STIM1: variants seen among roughly 807,000 people sequenced by gnomAD.
The protein encoded by STIM1 is stromal interaction molecule 1.
In STIM1, 25 loss-of-function variants were observed where a neutral mutation model predicts 74.7. The ratio of observed to expected loss-of-function variants is 0.33; its 90% CI spans 0.24 to 0.47. STIM1 has a LOEUF of 0.47. Among genes scored for constraint, STIM1 ranks in the 20% least tolerant of loss-of-function variants. The pLI is 1.00. For synonymous variants in STIM1, 328 were observed against 348.8 expected (o/e 0.94, Z 0.66); for missense variants, 728 against 920.8 (o/e 0.79, Z 2.71).
At chr11:4,060,624 TTA>T (rs1185864105) in intron 5 of STIM1, among the ~76,000 whole-genome samples, 1 of 152,194 alleles carries the variant, frequency 6.6e-6, no homozygotes, top group Non-Finnish European at 1.5e-5. Context: ...GTTCTACTCT[TTA>T]TGTAAGGCGT....
intron 1 of STIM1, among the ~76,000 whole-genome samples, chr11:3,914,475 C>T (rs2092612359): frequency 6.6e-6 from 1 of 152,198 alleles, no homozygotes; most frequent in Admixed American, 6.5e-5. Context: ...CGGAGTCTCA[C>T]TCTGTCGCCA....
intron 6 of STIM1, 26 bp downstream of exon 6, chr11:4,070,229 T>G: frequency 6.2e-7 from 1 of 1,612,970 alleles, no homozygotes; most frequent in Non-Finnish European, 8.5e-7. Context: ...TCAGGAAAGG[T>G]GAGGCCCTGC....
At chr11:3,869,676 A>C (rs1036160713) in intron 1 of STIM1, among the ~76,000 whole-genome samples, 1 of 152,244 alleles carries the variant, frequency 6.6e-6, no homozygotes, top group East Asian at 1.9e-4. Flanking sequence ...TTGTCAGGCT[A>C]CTTGATTCCA....
chr11:4,040,991 G>C (rs999383460), intron 3 of STIM1, among the ~76,000 whole-genome samples: 1 of 152,226 alleles, frequency 6.6e-6, no homozygotes, highest in African/African-American at 2.4e-5. Flanking sequence ...TGTAGTCCCA[G>C]ATGAGAAGCT....
At chr11:3,935,045 C>G (rs1474262914) in intron 1 of STIM1, among the ~76,000 whole-genome samples, 1 of 152,240 alleles carries the variant, frequency 6.6e-6, no homozygotes, top group African/African-American at 2.4e-5. Flanking sequence ...TTACTGTCAT[C>G]TTTTCGCAGC....
intron 1 of STIM1, among the ~76,000 whole-genome samples, chr11:3,911,518 C>T (rs938536352): frequency 6.6e-6 from 1 of 152,006 alleles, no homozygotes; most frequent in East Asian, 1.9e-4. Context: ...TTGAGTAGCT[C>T]GGACTACAGG....
At chr11:3,913,933 G>A (rs937250145) in intron 1 of STIM1, among the ~76,000 whole-genome samples, 1 of 152,096 alleles carries the variant, frequency 6.6e-6, no homozygotes, top group Non-Finnish European at 1.5e-5. Flanking sequence ...GTTGTAACGT[G>A]TCGGTACTTT....
chr11:4,020,810 C>A (rs1590654454), intron 2 of STIM1, among the ~76,000 whole-genome samples: 2 of 151,956 alleles, frequency 1.3e-5, no homozygotes, highest in South Asian at 4.2e-4. Flanking sequence ...CCTATGCTGC[C>A]CAGGCTGGTC....
intron 3 of STIM1, among the ~76,000 whole-genome samples, chr11:4,053,016 C>G (rs1022582642): frequency 2.0e-5 from 3 of 152,198 alleles, no homozygotes; most frequent in Non-Finnish European, 4.4e-5. Context: ...AAATGCAAAT[C>G]AAAACCGCAA....
At chr11:4,057,264 C>T (rs746628600) in intron 4 of STIM1, among the ~76,000 whole-genome samples, 10 of 152,202 alleles carry the variant, frequency 6.6e-5, no homozygotes, top group Non-Finnish European at 1.5e-4. Context: ...AACTGCAAAG[C>T]ATAGGATAAG....
chr11:3,908,941 A>G (rs1335493452), intron 1 of STIM1, among the ~76,000 whole-genome samples: 1 of 152,110 alleles, frequency 6.6e-6, no homozygotes, highest in Non-Finnish European at 1.5e-5. Context: ...CATTTGACCC[A>G]TATTTGGCTT....
chr11:4,068,396 T>C lies in STIM1; in HGVS notation c.614-1630T>C, dbSNP rs192156849. On this transcript the variant is annotated intron_variant, in intron 5 of 12. Transcript: ENST00000526596. Reference sequence around the variant, plus strand: ...ACTTTTGGTAAGAATATAAAGGGGATATTGAAGTTGAGAAACCCTAGGAAA... The same window carrying C: ...ACTTTTGGTAAGAATATAAAGGGGACATTGAAGTTGAGAAACCCTAGGAAA... 3.3e-5 allele frequency among the ~76,000 whole-genome samples: 5 copies of C among 152,266 alleles called. No individual in the cohort carries two copies. In the East Asian group the frequency reaches 9.6e-4, roughly 29 times the overall value.
intron 1 of STIM1, among the ~76,000 whole-genome samples, chr11:3,927,887 A>G (rs2092807803): frequency 6.6e-6 from 1 of 152,214 alleles, no homozygotes; most frequent in Admixed American, 6.5e-5. Flanking sequence ...TTGTTCTTGC[A>G]ACTAAGAACC....
chr11:4,001,441 TAAAGA>T (rs1018830982), intron 2 of STIM1, among the ~76,000 whole-genome samples: 1 of 152,146 alleles, frequency 6.6e-6, no homozygotes, highest in Admixed American at 6.5e-5. Context: ...TCAACATTCT[TAAAGA>T]AAAGAATTTT....
At chr11:4,059,451 T>C in intron 5 of STIM1, 55 bp downstream of exon 5, 1 of 1,492,430 alleles carries the variant, frequency 6.7e-7, no homozygotes, top group Non-Finnish European at 9.3e-7. Context: ...AAAGCTGTTG[T>C]AGTGGATAGG....
intron 2 of STIM1, among the ~76,000 whole-genome samples, chr11:4,000,012 G>A: frequency 6.6e-6 from 1 of 152,086 alleles, no homozygotes; most frequent in Non-Finnish European, 1.5e-5. Flanking sequence ...CAAACTGCAA[G>A]GCGGCAGCGA....
intron 1 of STIM1, chr11:3,892,634 T>A: frequency 6.2e-7 from 1 of 1,607,062 alleles, no homozygotes; most frequent in Non-Finnish European, 8.5e-7. Context: ...GAAGTTCTCA[T>A]CATCAAATTT....
In STIM1 at chr11:3,953,781, T is replaced by TTC. The variant is rs149953164; in HGVS notation, c.140-13770_140-13769insCT. Among the ~76,000 whole-genome samples, 126 of 81,118 alleles carry TTC rather than the reference T, an allele frequency of 1.6e-3. 5 individuals carry two copies. The South Asian group carries it at 0.076, about 49-fold the overall frequency. The allele number at this position is 81,118 out of a possible 152,430, so 53.2% of individuals were successfully genotyped here. ...CGGTATTGACTTCTTGATCTTCTTC[T>TTC]TTCTTTTTTTTTTTTTTTTGAGACA... On this transcript the variant is annotated intron_variant, in intron 1 of 12. Transcript: ENST00000526596.
intron 2 of STIM1, among the ~76,000 whole-genome samples, chr11:4,005,356 G>T (rs2093767274): frequency 6.6e-6 from 1 of 152,142 alleles, no homozygotes; most frequent in South Asian, 2.1e-4. Context: ...ATGATAGACT[G>T]GATTAAGAAA....
Sources: allele counts gnomAD v4.1 joint callset (sites outside exome capture counted in the v4.1 genomes callset), GRCh38; gene constraint gnomAD v4.1.1; transcripts MANE v1.5; gene names NCBI Gene and HGNC (gene_info 2026-07-23, HGNC 2026-07-21).